ZDHHC17: variants seen among roughly 807,000 people sequenced by gnomAD.
ZDHHC17 encodes palmitoyltransferase ZDHHC17.
Under a neutral mutation model 90.3 loss-of-function variants are expected in ZDHHC17, and 40 were observed. The observed-to-expected ratio is 0.44, with a 90% confidence interval of 0.34 to 0.58. ZDHHC17 has a LOEUF of 0.58. Among genes scored for constraint, ZDHHC17 ranks in the 20% least tolerant of loss-of-function variants. The probability of loss-of-function intolerance (pLI) is 0.01; values close to 1 mark genes in which losing one functional copy is unlikely to be tolerated. For synonymous variants in ZDHHC17, 235 were observed against 252.4 expected, an observed-to-expected ratio of 0.93 and a Z score of 0.65; for missense variants, 614 against 780.8, an observed-to-expected ratio of 0.79 and a Z score of 2.55.
intron 12 of ZDHHC17, chr12:76,844,678 C>CTT (rs895616563): frequency 4.2e-4 from 64 of 152,270 alleles, no homozygotes; most frequent in African/African-American, 1.5e-3. Context: ...ATAACTTACC[C>CTT]TTTTCTTTAT....
chr12:76,764,278 C>T lies in ZDHHC17; in HGVS notation c.42C>T (p.Gly14=), dbSNP rs769374652. 7 of 1,607,042 alleles carry T rather than the reference C, an allele frequency of 4.4e-6. No individual in the cohort carries two copies. In the African/African-American group the frequency reaches 9.4e-5, roughly 21 times the overall value. The change falls in exon 1 of 17, where the codon GGC becomes GGT. Residue 14 remains glycine (G), a synonymous_variant. Transcript: ENST00000426126. ...GATTTAACACCAAGATGGCGGACGG[C>T]CCGGATGAGTACGATACCGAAGCGG... ...EEGFNTKMAD[G]PDEYDTEAGC...
chr12:76,777,362 G>A (rs776734318), intron 1 of ZDHHC17, among the ~76,000 whole-genome samples: 3 of 152,184 alleles, frequency 2.0e-5, no homozygotes, highest in Non-Finnish European at 4.4e-5. Flanking sequence ...GTGTGTATCA[G>A]TACCTTGTTC....
At chr12:76,787,796 C>T (rs951925148) in intron 1 of ZDHHC17, among the ~76,000 whole-genome samples, 1 of 152,168 alleles carries the variant, frequency 6.6e-6, no homozygotes, top group African/African-American at 2.4e-5. Context: ...TTATAACCAG[C>T]TCCAAAATAC....
chr12:76,835,880 G>A (rs1171665617), intron 10 of ZDHHC17, among the ~76,000 whole-genome samples: 1 of 151,420 alleles, frequency 6.6e-6, no homozygotes, highest in African/African-American at 2.4e-5. Context: ...ATTTTATAAA[G>A]TGTTTACTTG....
intron 16 of ZDHHC17, among the ~76,000 whole-genome samples, chr12:76,850,456 T>C (rs1019010215): frequency 6.6e-6 from 1 of 152,126 alleles, no homozygotes; most frequent in Admixed American, 6.5e-5. Flanking sequence ...TGTTGGTGCA[T>C]GTCTGTAGTC....
chr12:76,825,095 A>T (rs1290638985), intron 8 of ZDHHC17, among the ~76,000 whole-genome samples: 4 of 152,118 alleles, frequency 2.6e-5, no homozygotes, highest in African/African-American at 9.7e-5. Flanking sequence ...GGGCAATATG[A>T]GGAATCCTTT....
At chr12:76,771,745 GA>G (rs113802250) in intron 1 of ZDHHC17, among the ~76,000 whole-genome samples, 2,396 of 144,740 alleles carry the variant, frequency 0.017, 65 homozygotes, top group African/African-American at 0.054. Context: ...CTATTCTCAT[GA>G]AAAAAAAAAA....
At chr12:76,842,753 C>G (rs1248343233) in intron 11 of ZDHHC17, among the ~76,000 whole-genome samples, 166 bp from the exon 12 acceptor site, 1 of 152,066 alleles carries the variant, frequency 6.6e-6, no homozygotes, top group Non-Finnish European at 1.5e-5. Flanking sequence ...ACCCTGTATT[C>G]TTCTTGCAAT....
chr12:76,800,399 T>TA (rs1380739237), intron 2 of ZDHHC17, among the ~76,000 whole-genome samples: 3 of 152,210 alleles, frequency 2.0e-5, no homozygotes, highest in Non-Finnish European at 4.4e-5. Flanking sequence ...TTTCCTTACT[T>TA]ACGTCTAGTT....
chr12:76,776,160 C>G (rs574393939), intron 1 of ZDHHC17, among the ~76,000 whole-genome samples: 1 of 152,194 alleles, frequency 6.6e-6, no homozygotes, highest in Admixed American at 6.5e-5. Flanking sequence ...TCTAGCATAG[C>G]AGACCATATA....
chr12:76,772,179 C>T lies in ZDHHC17; in HGVS notation c.93+7850C>T, dbSNP rs149947605. 1.9e-3 allele frequency among the ~76,000 whole-genome samples: 294 copies of T among 152,250 alleles called. 2 individuals are homozygous for T. The highest frequency in any genetic ancestry group is 6.7e-3 in the African/African-American group (280 of 41,542). Reference sequence around the variant, plus strand: ...GAGGTTAAGTAGTAATCCAGGTTGCCTGTTTTTATAGCACAATACAGTATG... The same window carrying T: ...GAGGTTAAGTAGTAATCCAGGTTGCTTGTTTTTATAGCACAATACAGTATG... On this transcript the variant is annotated intron_variant, in intron 1 of 16. Coordinates refer to ENST00000426126, the MANE Select transcript of ZDHHC17 (RefSeq NM_015336.4).
At chr12:76,850,476 TG>T (rs1026216426) in intron 16 of ZDHHC17, among the ~76,000 whole-genome samples, 4 of 152,126 alleles carry the variant, frequency 2.6e-5, no homozygotes, top group Non-Finnish European at 4.4e-5. Flanking sequence ...CCTAGCTACT[TG>T]GGAGGCTGAG....
intron 7 of ZDHHC17, among the ~76,000 whole-genome samples, chr12:76,819,413 T>A (rs79054910): frequency 8.9e-4 from 135 of 152,298 alleles, no homozygotes; most frequent in Non-Finnish European, 1.3e-3. Context: ...ATCTTGTTGA[T>A]AATAGTGGAT....
chr12:76,834,499 A>G (rs1021400168), intron 10 of ZDHHC17, among the ~76,000 whole-genome samples: 17 of 152,006 alleles, frequency 1.1e-4, no homozygotes, highest in African/African-American at 4.1e-4. Flanking sequence ...CCTCTTAAGC[A>G]TTTTTTTCTG....
At chr12:76,822,615 C>T (rs1252548651) in intron 8 of ZDHHC17, 84 bp downstream of exon 8, 10 of 1,154,382 alleles carry the variant, frequency 8.7e-6, no homozygotes, top group Middle Eastern at 2.2e-4. Context: ...AGTGCAGTGG[C>T]GAGATTTTGG....
At chr12:76,835,357 AC>A (rs1338673338) in intron 10 of ZDHHC17, among the ~76,000 whole-genome samples, 10 of 152,270 alleles carry the variant, frequency 6.6e-5, no homozygotes, top group South Asian at 2.1e-4. Context: ...AGCCAGTCTT[AC>A]GCCATTTTGA....
chr12:76,781,690 A>C, intron 1 of ZDHHC17: 3 of 456,014 alleles, frequency 6.6e-6, no homozygotes, highest in South Asian at 4.6e-5. Flanking sequence ...AACTGTAAGA[A>C]ATACTTTATT....
chr12:76,838,016 ATCC>A (rs1275990122), intron 10 of ZDHHC17, among the ~76,000 whole-genome samples: 1 of 151,518 alleles, frequency 6.6e-6, no homozygotes, highest in African/African-American at 2.4e-5. Flanking sequence ...CAGTGTTTTT[ATCC>A]TCCTTGTGTT....
At chr12:76,805,010 C>T (rs970468821) in intron 2 of ZDHHC17, among the ~76,000 whole-genome samples, 10 of 152,108 alleles carry the variant, frequency 6.6e-5, no homozygotes, top group South Asian at 2.1e-4. Context: ...GTATTTTTTA[C>T]AGTCTGCCTT....
Sources: gnomAD v4.1 joint callset for allele counts (sites outside exome capture counted in the v4.1 genomes callset) on GRCh38, gnomAD v4.1.1 for gene constraint, MANE v1.5 for transcripts, NCBI Gene and HGNC (gene_info 2026-07-23, HGNC 2026-07-21) for gene names.